The following ESRRG variants were observed in gnomAD, a reference collection of about 807,000 sequenced individuals.
The protein encoded by ESRRG is estrogen related receptor gamma.
ESRRG carries 13 observed loss-of-function variants against 44.0 expected under a neutral mutation model. That is an observed-to-expected ratio of 0.30 (90% CI 0.19 to 0.47). ESRRG has a LOEUF of 0.47. Among genes scored for constraint, ESRRG ranks in the 20% least tolerant of loss-of-function variants. The pLI is 1.00. For synonymous variants in ESRRG, 215 were observed against 214.6 expected, an observed-to-expected ratio of 1.00 and a Z score of -0.02; for missense variants, 395 against 580.6, an observed-to-expected ratio of 0.68 and a Z score of 3.29.
chr1:216,513,787 T>C (rs1323827741), intron 6 of ESRRG, among the ~76,000 whole-genome samples: 3 of 152,160 alleles, frequency 2.0e-5, no homozygotes, highest in Admixed American at 6.5e-5. Flanking sequence ...ATCTTACACT[T>C]TTCCAGGGGG....
rs2083299408 is a variant in ESRRG, at chr1:216,710,134, AT to A, written c.56+13109del. ...CGGGTACAAGTCCAGAGTGGCTTCT[AT>A]CTTCCAGTCCTGCCGTCTTTTTAAA... On this transcript the variant is annotated intron_variant, in intron 1 of 6. Coordinates refer to ENST00000408911, the MANE Select transcript of ESRRG (RefSeq NM_001438.4). 6.6e-5 allele frequency among the ~76,000 whole-genome samples: 10 copies of A among 152,288 alleles called. No homozygotes were observed. The South Asian group carries it at 2.1e-3, about 32-fold the overall frequency.
At chr1:216,967,170 C>CA (rs2070597075) in intron 1 of ESRRG, among the ~76,000 whole-genome samples, 1 of 129,808 alleles carries the variant, frequency 7.7e-6, no homozygotes, top group African/African-American at 2.8e-5. Flanking sequence ...CACAGCATCG[C>CA]CCCCCCTCCC....
intron 2 of ESRRG, among the ~76,000 whole-genome samples, chr1:216,665,682 T>C (rs990168684): frequency 8.5e-5 from 13 of 152,192 alleles, no homozygotes; most frequent in African/African-American, 3.1e-4. Flanking sequence ...GTTAAGATGG[T>C]AAATTTTATG....
chr1:217,128,463 C>A (rs1345270623), intron 1 of ESRRG, among the ~76,000 whole-genome samples: 3 of 152,162 alleles, frequency 2.0e-5, no homozygotes, highest in Non-Finnish European at 4.4e-5. Flanking sequence ...TTAGAAACTG[C>A]TAAATTAGAA....
chr1:216,775,551 C>CTTTTTTTTTTTTTTTTTTTTTTTTTTTTT (rs71163765), intron 2 of ESRRG, among the ~76,000 whole-genome samples: 1 of 74,786 alleles, frequency 1.3e-5, no homozygotes, highest in African/African-American at 4.7e-5. Flanking sequence ...AATGTCACAT[C>CTTTTTTTTTTTTTTTTTTTTTTTTTTTTT]TTTTTTTTTT....
intron 1 of ESRRG, among the ~76,000 whole-genome samples, chr1:217,135,548 G>A (rs755180314): frequency 3.9e-4 from 59 of 151,610 alleles, no homozygotes; most frequent in Non-Finnish European, 7.7e-4. Context: ...CGGCGGCGGT[G>A]TTGGCGGCGG....
chr1:216,524,848 G>T (rs1215115527), intron 5 of ESRRG, among the ~76,000 whole-genome samples: 3 of 152,154 alleles, frequency 2.0e-5, no homozygotes, highest in African/African-American at 7.2e-5. Context: ...CTGAGCAAAT[G>T]ATCTAAGCAG....
chr1:216,814,202 A>T (rs17649669), intron 2 of ESRRG, among the ~76,000 whole-genome samples: 1,897 of 152,258 alleles, frequency 0.012, 17 homozygotes, highest in Non-Finnish European at 0.017. Context: ...ACTGGGCCAT[A>T]TCTAGTAATC....
At chr1:216,741,266 T>C (rs1318459415) in intron 2 of ESRRG, among the ~76,000 whole-genome samples, 2 of 137,896 alleles carry the variant, frequency 1.5e-5, no homozygotes, top group Non-Finnish European at 3.2e-5. Flanking sequence ...ATATTTATAA[T>C]TTATATTATA....
intron 2 of ESRRG, among the ~76,000 whole-genome samples, chr1:216,661,927 T>G (rs930876173): frequency 1.3e-5 from 2 of 152,180 alleles, no homozygotes; most frequent in Non-Finnish European, 2.9e-5. Flanking sequence ...TGGAGTCAAA[T>G]TGGGCTGCCT....
chr1:216,829,467 G>A (rs1157783170), intron 2 of ESRRG, among the ~76,000 whole-genome samples: 1 of 151,754 alleles, frequency 6.6e-6, no homozygotes, highest in Non-Finnish European at 1.5e-5. Context: ...GCATAACAAA[G>A]TTAGCATGTT....
intron 2 of ESRRG, among the ~76,000 whole-genome samples, chr1:216,769,409 T>C (rs2093280059): frequency 6.6e-6 from 1 of 152,030 alleles, no homozygotes; most frequent in Admixed American, 6.6e-5. Flanking sequence ...CAAACCAAAT[T>C]TATTTAAGTA....
At chr1:216,834,755 C>T (rs917907495) in intron 2 of ESRRG, among the ~76,000 whole-genome samples, 3 of 152,078 alleles carry the variant, frequency 2.0e-5, no homozygotes, top group African/African-American at 4.8e-5. Flanking sequence ...ACAACAGATG[C>T]TAGCAATTTG....
chr1:216,664,485 C>T (rs193016670), intron 2 of ESRRG, among the ~76,000 whole-genome samples: 32 of 150,130 alleles, frequency 2.1e-4, no homozygotes, highest in Non-Finnish European at 4.4e-4. Context: ...TATTGGTTAA[C>T]AAATTCTTCA....
chr1:217,016,259 T>A (rs2150857648), intron 1 of ESRRG, among the ~76,000 whole-genome samples: 1 of 152,258 alleles, frequency 6.6e-6, no homozygotes, highest in Admixed American at 6.5e-5. Flanking sequence ...TGTACATTTT[T>A]AATAAAGCCA....
At chr1:217,064,654 T>C (rs892156934) in intron 1 of ESRRG, among the ~76,000 whole-genome samples, 1 of 152,144 alleles carries the variant, frequency 6.6e-6, no homozygotes, top group African/African-American at 2.4e-5. Flanking sequence ...AGGTACAAAA[T>C]ATCAGAAGTT....
At chr1:217,088,752 C>T (rs968797060) in intron 1 of ESRRG, among the ~76,000 whole-genome samples, 11 of 151,766 alleles carry the variant, frequency 7.2e-5, no homozygotes, top group Non-Finnish European at 8.8e-5. Flanking sequence ...AAAAGGTTGC[C>T]GGAAGGGAAA....
intron 3 of ESRRG, among the ~76,000 whole-genome samples, chr1:216,616,761 T>C (rs1023325237): frequency 3.9e-5 from 6 of 152,192 alleles, no homozygotes; most frequent in Non-Finnish European, 8.8e-5. Context: ...GATTCTCCAT[T>C]AGACACAGGA....
At chr1:217,006,400 T>C (rs1333362084) in intron 1 of ESRRG, among the ~76,000 whole-genome samples, 1 of 152,126 alleles carries the variant, frequency 6.6e-6, no homozygotes, top group Non-Finnish European at 1.5e-5. Flanking sequence ...TATGTCTATA[T>C]AGTAGTACAC....
Sources: gnomAD v4.1 joint callset for allele counts (sites outside exome capture counted in the v4.1 genomes callset) on GRCh38, gnomAD v4.1.1 for gene constraint, MANE v1.5 for transcripts, NCBI Gene and HGNC (gene_info 2026-07-23, HGNC 2026-07-21) for gene names.